SMURF1: variants seen among roughly 807,000 people sequenced by gnomAD.
The protein encoded by SMURF1 is E3 ubiquitin-protein ligase SMURF1.
In SMURF1, 44 loss-of-function variants were observed where a neutral mutation model predicts 98.0. That is an observed-to-expected ratio of 0.45 (90% CI 0.35 to 0.58). SMURF1 has a LOEUF of 0.58. Among genes scored for constraint, SMURF1 ranks in the 20% least tolerant of loss-of-function variants. The probability of loss-of-function intolerance (pLI) is 0.00; values close to 1 mark genes in which losing one functional copy is unlikely to be tolerated. For missense variants in SMURF1, 687 were observed against 938.4 expected (o/e 0.73, Z 3.50); for synonymous variants, 396 against 374.9 (o/e 1.06, Z -0.65).
chr7:99,111,704 C>T (rs1206306262), intron 1 of SMURF1, among the ~76,000 whole-genome samples: 4 of 152,202 alleles, frequency 2.6e-5, no homozygotes, highest in Non-Finnish European at 5.9e-5. Flanking sequence ...ACCCTGGTCC[C>T]ATCCACTCCC....
intron 1 of SMURF1, among the ~76,000 whole-genome samples, chr7:99,127,896 T>G (rs1797780516): frequency 2.6e-5 from 4 of 152,222 alleles, no homozygotes; most frequent in Admixed American, 1.3e-4. Context: ...TAAACAACGC[T>G]ACTACATAGG....
chr7:99,137,387 T>C (rs1053464834), intron 1 of SMURF1, among the ~76,000 whole-genome samples: 11 of 152,340 alleles, frequency 7.2e-5, no homozygotes, highest in African/African-American at 1.2e-4. Flanking sequence ...CCTTTCTTCA[T>C]TGTGGTACTT....
intron 1 of SMURF1, among the ~76,000 whole-genome samples, chr7:99,072,609 C>T (rs1037519536): frequency 1.3e-5 from 2 of 152,118 alleles, no homozygotes; most frequent in African/African-American, 2.4e-5. Context: ...TGCCATTGGA[C>T]TCCAGCCTGG....
At chr7:99,062,648 A>T (rs1296193272) in intron 1 of SMURF1, among the ~76,000 whole-genome samples, 1 of 152,148 alleles carries the variant, frequency 6.6e-6, no homozygotes, top group African/African-American at 2.4e-5. Context: ...CAGGAGTTCA[A>T]GACCAGCCTG....
At chr7:99,102,558 T>C (rs1182599843) in intron 1 of SMURF1, among the ~76,000 whole-genome samples, 1 of 152,222 alleles carries the variant, frequency 6.6e-6, no homozygotes, top group Non-Finnish European at 1.5e-5. Flanking sequence ...ATATTGTTGA[T>C]TCTGTGTCAA....
rs149550137 is a variant in SMURF1, at chr7:99,065,444, G to A, written c.56-3607C>T. On this transcript the variant is annotated intron_variant, in intron 1 of 17. Transcript: ENST00000361368. ...ACATTTCTCTTTGGGTGGATTCTTC[G>A]GGTATTTTTTGTTACTATTGTGAAT... 6.2e-3 allele frequency among the ~76,000 whole-genome samples: 948 copies of A among 152,132 alleles called. 6 individuals are homozygous for A. The highest frequency in any genetic ancestry group is 0.011 in the Non-Finnish European group (725 of 67,984).
intron 1 of SMURF1, among the ~76,000 whole-genome samples, chr7:99,086,226 A>T (rs1260341633): frequency 6.6e-6 from 1 of 152,094 alleles, no homozygotes; most frequent in East Asian, 1.9e-4. Context: ...CACACCTGTA[A>T]TCCCAGCTAT....
At chr7:99,142,216 G>A (rs1175798645) in intron 1 of SMURF1, among the ~76,000 whole-genome samples, 2 of 152,146 alleles carry the variant, frequency 1.3e-5, no homozygotes, top group East Asian at 1.9e-4. Context: ...CAGGAAACAC[G>A]GACTTTTCAT....
At chr7:99,040,908 A>G (rs1795351175) in intron 12 of SMURF1, among the ~76,000 whole-genome samples, 1 of 152,090 alleles carries the variant, frequency 6.6e-6, no homozygotes, top group South Asian at 2.1e-4. Flanking sequence ...CCTCGGCACC[A>G]TGCTGGACGC....
At position 99,056,773 on chromosome 7, in the gene SMURF1, C is replaced by T. The variant is rs148885878; in HGVS notation, c.403+432G>A. Among the ~76,000 whole-genome samples the T allele has an allele frequency of 6.6e-3, 1,008 of 152,182 alleles. 7 individuals carry two copies. Among genetic ancestry groups the T allele is most frequent in the African/African-American group, 0.024 (976 of 41,514 alleles). On this transcript the variant is annotated intron_variant, in intron 5 of 17. Transcript: ENST00000361368. ...AGCCCAGCACTTTGGGAGGCCAAGG[C>T]GGGCAGATCACTCGAGGTCAGGAAA...
intron 3 of SMURF1, among the ~76,000 whole-genome samples, chr7:99,060,378 C>CAAAAAAA (rs11340949): frequency 4.5e-4 from 41 of 92,128 alleles, no homozygotes; most frequent in Non-Finnish European, 5.1e-4. Context: ...GACTCCGTCT[C>CAAAAAAA]AAAAAAAAAA....
chr7:99,143,635 G>C lies in SMURF1; in HGVS notation c.55+91C>G, dbSNP rs1156307389. On this transcript the variant is annotated intron_variant, in intron 1 of 17. Coordinates refer to ENST00000361368, the MANE Select transcript of SMURF1 (RefSeq NM_181349.3). ...GAGGTCCTGGGACAACGGCCGGCGT[G>C]GGGGAGGGCCGCTTCCAAGGGCGCC... 31 of 1,138,732 alleles carry C rather than the reference G, an allele frequency of 2.7e-5. No individual in the cohort carries two copies. In the South Asian group the frequency reaches 3.7e-4, roughly 13 times the overall value. 70.5% of individuals were successfully genotyped at this position (1,138,732 alleles called of 1,614,324 possible).
rs1554440697 is a variant in SMURF1, at chr7:99,057,601, T to TTTG, written c.204-51_204-50insCAA. 2,603 of 1,440,900 alleles carry TTTG rather than the reference T, an allele frequency of 1.8e-3. 31 individuals are homozygous for TTTG. Among genetic ancestry groups the TTTG allele is most frequent in the South Asian group, 3.4e-3 (220 of 65,570 alleles). 89.3% of individuals were successfully genotyped at this position (1,440,900 alleles called of 1,614,324 possible). On this transcript the variant is annotated intron_variant, in intron 3 of 17. Coordinates refer to ENST00000361368, the MANE Select transcript of SMURF1 (RefSeq NM_181349.3). ...TTTTAATTGTGTTTGGTTTTTTTTG[T>TTTG]TTTGTTTTTTTTTTTTTTTGAGATA...
At chr7:99,123,772 A>G (rs1797692580) in intron 1 of SMURF1, among the ~76,000 whole-genome samples, 1 of 152,200 alleles carries the variant, frequency 6.6e-6, no homozygotes, top group Non-Finnish European at 1.5e-5. Context: ...ACAAAAAGGA[A>G]AAGAACTAGA....
chr7:99,112,332 C>CTGT (rs372188394), intron 1 of SMURF1, among the ~76,000 whole-genome samples: 1 of 152,164 alleles, frequency 6.6e-6, no homozygotes. Flanking sequence ...TGGGGGGTTT[C>CTGT]TGTTGTTGTT....
intron 1 of SMURF1, among the ~76,000 whole-genome samples, chr7:99,134,900 AT>A (rs1231239479): frequency 1.3e-5 from 2 of 152,142 alleles, no homozygotes; most frequent in Non-Finnish European, 2.9e-5. Flanking sequence ...ATTTTGCCTT[AT>A]TTTAATATGA....
chr7:99,039,371 A>C (rs1795285029), intron 13 of SMURF1, among the ~76,000 whole-genome samples: 1 of 151,812 alleles, frequency 6.6e-6, no homozygotes, highest in Admixed American at 6.6e-5. Flanking sequence ...TTTGAGACAG[A>C]GACTCACTCT....
chr7:99,034,395 G>A (rs1352593246), intron 16 of SMURF1, among the ~76,000 whole-genome samples: 1 of 152,204 alleles, frequency 6.6e-6, no homozygotes, highest in Non-Finnish European at 1.5e-5. Context: ...AAGCAGGAAG[G>A]TTTAGCATGT....
intron 6 of SMURF1, among the ~76,000 whole-genome samples, chr7:99,053,862 C>T (rs1795819372): frequency 1.3e-5 from 2 of 151,958 alleles, no homozygotes; most frequent in Admixed American, 6.6e-5. Context: ...GTGTTGAGTT[C>T]CTCCCCCCGT....
Sources: gnomAD v4.1 joint callset for allele counts (sites outside exome capture counted in the v4.1 genomes callset) on GRCh38, gnomAD v4.1.1 for gene constraint, MANE v1.5 for transcripts, NCBI Gene and HGNC (gene_info 2026-07-23, HGNC 2026-07-21) for gene names.